Variants in RALGAPA1 observed in about 807,000 individuals in gnomAD.
The protein encoded by RALGAPA1 is Ral GTPase activating protein catalytic subunit alpha 1, also known as ral GTPase-activating protein subunit alpha-1.
Under a neutral mutation model 269.6 loss-of-function variants are expected in RALGAPA1, and 52 were observed. The observed-to-expected ratio is 0.19, with a 90% confidence interval of 0.15 to 0.24. The LOEUF is 0.24. RALGAPA1 is among the 10% of genes least tolerant of loss of function. RALGAPA1 has a pLI of 1.00. For missense variants in RALGAPA1, 1,917 were observed against 3,013.9 expected (o/e 0.64, Z 8.52); for synonymous variants, 817 against 1,008.3 (o/e 0.81, Z 3.60).
At chr14:35,570,183 T>C (rs977470345) in intron 39 of RALGAPA1, among the ~76,000 whole-genome samples, 1 of 151,736 alleles carries the variant, frequency 6.6e-6, no homozygotes, top group Admixed American at 6.6e-5. Context: ...GGCAGAAGAA[T>C]TGCTTGAACC....
intron 1 of RALGAPA1, among the ~76,000 whole-genome samples, chr14:35,787,072 CTT>C (rs1455368450): frequency 6.6e-6 from 1 of 152,178 alleles, no homozygotes; most frequent in Non-Finnish European, 1.5e-5. Context: ...AGATATGACT[CTT>C]CTCTCTTATA....
chr14:35,671,860 T>C (rs2064471956), intron 25 of RALGAPA1, among the ~76,000 whole-genome samples: 3 of 152,216 alleles, frequency 2.0e-5, no homozygotes, highest in Admixed American at 2.0e-4. Context: ...TGTCACCTAG[T>C]TGCTTCTGTG....
intron 41 of RALGAPA1, among the ~76,000 whole-genome samples, chr14:35,545,170 T>C (rs868304971): frequency 1.3e-5 from 2 of 152,204 alleles, no homozygotes; most frequent in African/African-American, 4.8e-5. Flanking sequence ...GGAGCTAAAA[T>C]ATTTTATTTC....
At chr14:35,670,598 G>A (rs562024874) in intron 26 of RALGAPA1, among the ~76,000 whole-genome samples, 9 of 152,090 alleles carry the variant, frequency 5.9e-5, no homozygotes, top group African/African-American at 4.8e-5. Flanking sequence ...ACAGTTCCAC[G>A]ACCATATGAA....
intron 37 of RALGAPA1, among the ~76,000 whole-genome samples, chr14:35,588,910 A>T (rs2058470977): frequency 6.6e-6 from 1 of 152,200 alleles, no homozygotes; most frequent in Non-Finnish European, 1.5e-5. Flanking sequence ...TATAAAATGG[A>T]ACACTATTCA....
At chr14:35,656,029 T>C in intron 28 of RALGAPA1, 114 bp from the exon 29 acceptor site, 4 of 1,543,710 alleles carry the variant, frequency 2.6e-6, no homozygotes, top group Non-Finnish European at 3.5e-6. Context: ...ATTAATGAAT[T>C]TGTTACTCTA....
chr14:35,696,522 G>C (rs751618202), intron 17 of RALGAPA1, among the ~76,000 whole-genome samples: 9 of 150,942 alleles, frequency 6.0e-5, no homozygotes, highest in Non-Finnish European at 1.2e-4. Flanking sequence ...GTTAGAACAA[G>C]AACACTGGAG....
intron 35 of RALGAPA1, among the ~76,000 whole-genome samples, chr14:35,617,951 C>T (rs887625397): frequency 1.3e-5 from 2 of 151,868 alleles, no homozygotes; most frequent in African/African-American, 4.8e-5. Flanking sequence ...TGAATCTCTA[C>T]TAGTATCTAT....
intron 18 of RALGAPA1, 66 bp from the exon 19 acceptor site, chr14:35,686,732 AAAC>A (rs2065972216): frequency 1.1e-6 from 1 of 904,082 alleles, no homozygotes; most frequent in Non-Finnish European, 1.6e-6. Context: ...ACTTTGAAAC[AAAC>A]AACAACCCAA....
At chr14:35,776,874 A>T (rs72668491) in intron 1 of RALGAPA1, among the ~76,000 whole-genome samples, 196 of 152,100 alleles carry the variant, frequency 1.3e-3, no homozygotes, top group African/African-American at 3.3e-3. Flanking sequence ...TATAATAAAA[A>T]TTTTTTTTAA....
chr14:35,604,848 C>T (rs751137206), intron 36 of RALGAPA1, among the ~76,000 whole-genome samples: 7 of 152,080 alleles, frequency 4.6e-5, no homozygotes, highest in Non-Finnish European at 1.0e-4. Context: ...ATCAGATTTA[C>T]TTTCTGTTAG....
chr14:35,575,429 A>C (rs2057489139), intron 37 of RALGAPA1, among the ~76,000 whole-genome samples: 1 of 152,190 alleles, frequency 6.6e-6, no homozygotes, highest in African/African-American at 2.4e-5. Flanking sequence ...TGTACAAGTG[A>C]AGTCCTCAAA....
chr14:35,735,978 G>A (rs1321338992), intron 12 of RALGAPA1, among the ~76,000 whole-genome samples: 1 of 152,146 alleles, frequency 6.6e-6, no homozygotes, highest in Non-Finnish European at 1.5e-5. Context: ...GTCACTGGAG[G>A]GTTCTGAGCA....
intron 12 of RALGAPA1, among the ~76,000 whole-genome samples, chr14:35,731,273 C>A (rs527417937): frequency 9.5e-4 from 145 of 152,248 alleles, no homozygotes; most frequent in Non-Finnish European, 1.8e-3. Context: ...ACAGAGCCTA[C>A]CCAAATGAGA....
At chr14:35,621,553 A>G (rs1360518554) in intron 35 of RALGAPA1, among the ~76,000 whole-genome samples, 3 of 152,228 alleles carry the variant, frequency 2.0e-5, no homozygotes. Context: ...CAACAAAAGA[A>G]ACTGTCATCA....
Position 35,592,725 on chromosome 14 carries a change from C to G in RALGAPA1, c.7209+2909G>C, listed in dbSNP as rs1415793812. Among the ~76,000 whole-genome samples, 5 of 152,152 alleles carry G rather than the reference C, an allele frequency of 3.3e-5. 1 individual carries two copies. Among genetic ancestry groups the G allele is most frequent in the Admixed American group, 1.3e-4 (2 of 15,262 alleles). ...ACACAAATCAATTGATGTGATACAC[C>G]ACATTAACAGAATAACAGTTAAAAA... On this transcript the variant is annotated intron_variant, in intron 37 of 41. Transcript: ENST00000680220.
At chr14:35,546,295 T>A (rs371860271) in intron 41 of RALGAPA1, among the ~76,000 whole-genome samples, 2 of 152,060 alleles carry the variant, frequency 1.3e-5, no homozygotes, top group East Asian at 3.8e-4. Context: ...ACGTTACCGC[T>A]AACCAGAAAG....
chr14:35,556,117 T>C (rs1191363202), intron 39 of RALGAPA1, among the ~76,000 whole-genome samples: 7 of 152,134 alleles, frequency 4.6e-5, no homozygotes, highest in Non-Finnish European at 1.0e-4. Flanking sequence ...TCTTTAAACA[T>C]TCTGAGGCAA....
chr14:35,548,959 A>G, intron 40 of RALGAPA1, 151 bp downstream of exon 40: 1 of 928,936 alleles, frequency 1.1e-6, no homozygotes, highest in South Asian at 1.9e-5. Flanking sequence ...GAAACCATAA[A>G]TCAAATTTAT....
Sources: allele counts gnomAD v4.1 joint callset (sites outside exome capture counted in the v4.1 genomes callset), GRCh38; gene constraint gnomAD v4.1.1; transcripts MANE v1.5; gene names NCBI Gene and HGNC (gene_info 2026-07-23, HGNC 2026-07-21).